DVL1: variants seen among roughly 807,000 people sequenced by gnomAD.
DVL1 encodes segment polarity protein dishevelled homolog DVL-1.
Under a neutral mutation model 65.0 loss-of-function variants are expected in DVL1, and 49 were observed. That is an observed-to-expected ratio of 0.75 (90% CI 0.60 to 0.96). DVL1 has a LOEUF of 0.96. Among genes scored for constraint, DVL1 ranks in the 40% least tolerant of loss-of-function variants. The pLI is 0.00. For missense variants in DVL1, 1,197 were observed against 1,045.4 expected (o/e 1.15, Z -2.00); for synonymous variants, 608 against 433.9 (o/e 1.40, Z -4.99).
At position 1,340,018 on chromosome 1, in the gene DVL1, C is replaced by T. The variant is rs371153623; in HGVS notation, c.909+20G>A. The T allele has an allele frequency of 2.6e-5, 42 of 1,603,356 alleles. No individual in the cohort carries two copies. The highest frequency in any genetic ancestry group is 1.0e-4 in the Admixed American group (6 of 59,656). On this transcript the variant is annotated intron_variant, in intron 8 of 14. Transcript: ENST00000378888. ...ACCCACCCGCAGCTACATGTCACCC[C>T]GCAGCCCCCACAGACACACCTGCAG...
At chr1:1,341,972 G>GAACT in intron 4 of DVL1, 81 bp downstream of exon 4, 2 of 1,462,600 alleles carry the variant, frequency 1.4e-6, no homozygotes, top group Non-Finnish European at 1.8e-6. Context: ...TGGGGGACAG[G>GAACT]AACTGCTGTA....
At chr1:1,337,608 C>T (rs904913689) in intron 14 of DVL1, 5 of 418,902 alleles carry the variant, frequency 1.2e-5, no homozygotes, top group Middle Eastern at 3.5e-4. Flanking sequence ...AACCACCAGC[C>T]GCCACCCCTA....
chr1:1,337,908 GAGC>G, intron 14 of DVL1, 66 bp downstream of exon 14: 2 of 1,275,660 alleles, frequency 1.6e-6, no homozygotes, highest in Non-Finnish European at 2.2e-6. Flanking sequence ...ACTGGGGGCG[GAGC>G]AGCAGTGGAG....
chr1:1,337,940 G>T (rs559830305), intron 14 of DVL1, 37 bp downstream of exon 14: 1 of 1,560,436 alleles, frequency 6.4e-7, no homozygotes, highest in South Asian at 1.1e-5. Context: ...AGCTGGGGGC[G>T]GAGCCGGGGA....
chr1:1,342,109 G>C lies in DVL1; in HGVS notation c.410C>G (p.Thr137Arg), dbSNP rs544689996. Residue 137 changes from threonine to arginine, a missense_variant, in exon 4 of 15, where the codon ACG becomes AGG. Thr to Arg is a moderately conservative substitution (Grantham distance 71, BLOSUM62 -1). Coordinates refer to ENST00000378888, the MANE Select transcript of DVL1 (RefSeq NM_001330311.2). Reference protein sequence around the residue: ...SRDGMDNETGTESMVSHRRER... With the variant: ...SRDGMDNETGRESMVSHRRER... ...CCGCCGGTGACTGACCATGGACTCC[G>C]TGCCTGTCTCGTTGTCCATCCCGTC... 1.3e-6 allele frequency: 2 copies of C among 1,594,732 alleles called. No individual in the cohort carries two copies. Among genetic ancestry groups the C allele is most frequent in the African/African-American group, 1.3e-5 (1 of 74,672 alleles).
intron 14 of DVL1, chr1:1,337,130 C>T: frequency 3.0e-6 from 3 of 985,210 alleles, no homozygotes; most frequent in Non-Finnish European, 3.6e-6. Context: ...ACCCACCCGC[C>T]ACCAGTGGGG....
Position 1,336,328 on chromosome 1 carries a change from G to A in DVL1, c.1902C>T (p.Ala634=), listed in dbSNP as rs1333052983. Residue 634 remains alanine (A), a synonymous_variant, in exon 15 of 15, where the codon GCC becomes GCT. Transcript: ENST00000378888. ...LSRGSSPRSQ[A]SATAPGLPPP... Reference sequence around the variant, plus strand: ...GGGGGAGCCCCGGGGCGGTAGCCGAGGCCTGACTGCGTGGGCTGCTGCCAC... The same window carrying A: ...GGGGGAGCCCCGGGGCGGTAGCCGAAGCCTGACTGCGTGGGCTGCTGCCAC... 2.5e-6 allele frequency: 4 copies of A among 1,586,766 alleles called. No individual in the cohort carries two copies. Among genetic ancestry groups the A allele is most frequent in the Non-Finnish European group, 3.4e-6 (4 of 1,173,556 alleles).
rs139073062 is a variant in DVL1 at position 1,336,139 on chromosome 1, G to A, written c.*3C>T. 442 of 1,574,210 alleles carry A rather than the reference G, an allele frequency of 2.8e-4. 1 individual carries two copies. The highest frequency in any genetic ancestry group is 1.2e-3 in the Admixed American group (66 of 57,028). On this transcript the variant is annotated 3_prime_UTR_variant, in exon 15 of 15. Transcript: ENST00000378888. ...CAGGCAGGGCTGGGGCATGCGCCAC[G>A]AGTCACATGATGTCCACGAAGAACT...
At chr1:1,347,862 G>C (rs1256278795) in intron 1 of DVL1, among the ~76,000 whole-genome samples, 1 of 152,194 alleles carries the variant, frequency 6.6e-6, no homozygotes, top group Non-Finnish European at 1.5e-5. Context: ...GCCTGGTCGT[G>C]GGGGTGGGGA....
chr1:1,340,509 A>T lies in DVL1; in HGVS notation c.606-6T>A. 6.3e-7 allele frequency: 1 copy of T among 1,597,416 alleles called. No homozygotes were observed. Among genetic ancestry groups the T allele is most frequent in the Non-Finnish European group, 8.5e-7 (1 of 1,172,196 alleles). ...GCTCCGTGGAGCTGCTGAGCCTGGG[A>T]ACAGACTGTCAGAGCTCAGAGGAGC... On this transcript the variant is annotated splice_region_variant and splice_polypyrimidine_tract_variant and intron_variant, in intron 5 of 14. Transcript: ENST00000378888.
chr1:1,340,769 C>T (rs1569710512), intron 5 of DVL1, among the ~76,000 whole-genome samples: 1 of 150,852 alleles, frequency 6.6e-6, no homozygotes, highest in South Asian at 2.1e-4. Flanking sequence ...CCTGCACACA[C>T]ATGCACACCT....
chr1:1,349,029 C>G lies in DVL1; in HGVS notation c.37G>C (p.Glu13Gln), dbSNP rs1643972105. 1.9e-6 allele frequency: 3 copies of G among 1,562,486 alleles called. 1 individual carries two copies. The South Asian group carries it at 3.4e-5, about 18-fold the overall frequency. ...ETKIIYHMDE[E>Q]ETPYLVKLPV... The stretch of plus-strand genomic sequence containing the variant: ...AGCTTGACCAGGTACGGCGTCTCCT[C>G]CTCGTCCATGTGGTAGATAATCTTG... The change falls in exon 1 of 15, where the codon GAG (glutamate) becomes CAG (glutamine). Residue 13 changes from glutamate to glutamine, a missense_variant. Physicochemically the swap from Glu to Gln is conservative, Grantham distance 29. Coordinates refer to ENST00000378888, the MANE Select transcript of DVL1 (RefSeq NM_001330311.2). This position sits in a 1 kb window ranked among gnomAD's most constrained non-coding sequence, Gnocchi z 4.1.
chr1:1,341,731 C>G lies in DVL1; in HGVS notation c.541G>C (p.Ala181Pro). ...CTGGACTCAAGCTCGCTGCTGAGGG[C>G]GGTGGACGCGCTGTCTGGGGGCAGC... ...VGLPPDSAST[A>P]LSSELESSSF... The change falls in exon 5 of 15, where the codon GCC becomes CCC. Residue 181 changes from alanine to proline, a missense_variant. Transcript: ENST00000378888. The G allele has an allele frequency of 6.2e-7, 1 of 1,610,856 alleles. No individual in the cohort carries two copies. Among genetic ancestry groups the G allele is most frequent in the African/African-American group, 1.3e-5 (1 of 75,056 alleles).
rs1006776658 is a variant in DVL1 at position 1,335,617 on chromosome 1, T to C, written c.*525A>G. On this transcript the variant is annotated 3_prime_UTR_variant, in exon 15 of 15. Transcript: ENST00000378888. ...TCGTCTTCCGGTCCCGTCCTCCACG[T>C]ACTTTCAGACTGTTGCCGGATGGGA... 4 of 155,284 alleles carry C rather than the reference T, an allele frequency of 2.6e-5. No homozygotes were observed. The highest frequency in any genetic ancestry group is 1.2e-4 in the Admixed American group (2 of 16,058). 9.6% of individuals were successfully genotyped at this position (155,284 alleles called of 1,614,324 possible).
At position 1,342,551 on chromosome 1, in the gene DVL1, G is replaced by A; in HGVS notation, c.241-67C>T. 1.9e-6 allele frequency: 3 copies of A among 1,579,574 alleles called. No individual in the cohort carries two copies. The South Asian group carries it at 3.4e-5, about 18-fold the overall frequency. ...TCAGGACGCCTCCTCAGGGCACCCA[G>A]GGAACAGGGGGCCAGCAAGCTGCCC... On this transcript the variant is annotated intron_variant, in intron 2 of 14. Coordinates refer to ENST00000378888, the MANE Select transcript of DVL1 (RefSeq NM_001330311.2).
rs1191940719 is a variant in DVL1, at chr1:1,342,046, A to G, written c.466+7T>C. Reference sequence around the variant, plus strand: ...GGTCCACAGCTGGGCAGACATGACCACTGTACCCTCCTCGCGGTTCCGGCG... The same window carrying G: ...GGTCCACAGCTGGGCAGACATGACCGCTGTACCCTCCTCGCGGTTCCGGCG... On this transcript the variant is annotated splice_region_variant and intron_variant, in intron 4 of 14. Transcript: ENST00000378888. 6.4e-7 allele frequency: 1 copy of G among 1,567,440 alleles called. No individual in the cohort carries two copies. The highest frequency in any genetic ancestry group is 1.3e-5 in the African/African-American group (1 of 74,076).
chr1:1,345,756 C>T (rs1256586166), intron 1 of DVL1, among the ~76,000 whole-genome samples: 1 of 152,190 alleles, frequency 6.6e-6, no homozygotes, highest in Admixed American at 6.5e-5. Flanking sequence ...CGAATGCACC[C>T]CATTCTCCCA....
rs773963286 is a variant in DVL1, at chr1:1,340,539, G to A, written c.606-36C>T. 115 of 1,565,570 alleles carry A rather than the reference G, an allele frequency of 7.3e-5. No individual in the cohort carries two copies. The East Asian group carries it at 7.7e-4, about 10-fold the overall frequency. ...ACTGTCAGAGCTCAGAGGAGCTGGA[G>A]ACATGGGTAGGGGGGTGGGAACCCG... On this transcript the variant is annotated intron_variant, in intron 5 of 14. Coordinates refer to ENST00000378888, the MANE Select transcript of DVL1 (RefSeq NM_001330311.2).
rs1643869458 is a variant in DVL1, at chr1:1,342,852, C to T, written c.171-94G>A. ...GGAGAGCAGGCGCTCCTCCTGCCCA[C>T]ACAATGTCACTCTGTGGACACCCCT... On this transcript the variant is annotated intron_variant, in intron 1 of 14. Transcript: ENST00000378888. The T allele has an allele frequency of 5.6e-6, 7 of 1,247,052 alleles. No homozygotes were observed. The Admixed American group carries it at 6.1e-5, about 11-fold the overall frequency. 77.2% of individuals were successfully genotyped at this position (1,247,052 alleles called of 1,614,324 possible).
Sources: gnomAD v4.1 joint callset for allele counts (sites outside exome capture counted in the v4.1 genomes callset) on GRCh38, gnomAD v4.1.1 for gene constraint, Gnocchi (gnomAD v3.1) non-coding constraint, MANE v1.5 for transcripts, NCBI Gene and HGNC (gene_info 2026-07-23, HGNC 2026-07-21) for gene names.